Variants in SLC44A5 observed in about 807,000 individuals in gnomAD.
SLC44A5 encodes the protein choline transporter-like protein 5.
SLC44A5 carries 57 observed loss-of-function variants against 101.8 expected under a neutral mutation model. The ratio of observed to expected loss-of-function variants is 0.56; its 90% CI spans 0.45 to 0.70. The LOEUF is 0.70. Ranked by LOEUF, SLC44A5 falls within the 30% of genes least tolerant of loss-of-function variation. The pLI is 0.00. For synonymous variants in SLC44A5, 281 were observed against 290.9 expected (o/e 0.97, Z 0.35); for missense variants, 737 against 853.1 (o/e 0.86, Z 1.70).
the SLC44A5 span, among the ~76,000 whole-genome samples, chr1:75,712,690 C>T: frequency 6.4e-5 from 1 of 15,710 alleles, no homozygotes; most frequent in Non-Finnish European, 1.1e-4. Context: ...ACAAAACAAG[C>T]ATTTGAGAAA....
At chr1:75,499,631 CAAAT>C (rs971933605) in intron 2 of SLC44A5, among the ~76,000 whole-genome samples, 14 of 152,230 alleles carry the variant, frequency 9.2e-5, no homozygotes, top group African/African-American at 3.4e-4. Flanking sequence ...TTTGTATACT[CAAAT>C]AAGGCACAGG....
chr1:75,281,324 C>A (rs1182544503), intron 5 of SLC44A5, among the ~76,000 whole-genome samples: 2 of 152,024 alleles, frequency 1.3e-5, no homozygotes, highest in Non-Finnish European at 2.9e-5. Flanking sequence ...ATCTGTGGAA[C>A]TTTGAACTTG....
intron 11 of SLC44A5, among the ~76,000 whole-genome samples, chr1:75,234,677 T>C (rs1647908534): frequency 6.6e-6 from 1 of 152,072 alleles, no homozygotes; most frequent in Admixed American, 6.6e-5. Flanking sequence ...TCCAGACTTC[T>C]ATTCCAGCTC....
chr1:75,516,087 C>A (rs1262163123), intron 2 of SLC44A5, among the ~76,000 whole-genome samples: 1 of 152,120 alleles, frequency 6.6e-6, no homozygotes, highest in Non-Finnish European at 1.5e-5. Flanking sequence ...ATAATAGAGC[C>A]ACTATAAAAA....
intron 3 of SLC44A5, among the ~76,000 whole-genome samples, chr1:75,369,232 G>C (rs957534794): frequency 1.3e-5 from 2 of 151,726 alleles, no homozygotes; most frequent in East Asian, 3.9e-4. Flanking sequence ...TGCCCAGGGT[G>C]GTCTCGAAAT....
At chr1:75,717,017 G>A in the SLC44A5 span, among the ~76,000 whole-genome samples, 1 of 151,640 alleles carries the variant, frequency 6.6e-6, no homozygotes, top group South Asian at 2.1e-4. Flanking sequence ...CTGGGCAACA[G>A]AGCAAGACTC....
In SLC44A5 at chr1:75,383,613, C is replaced by A. The variant is rs540535450; in HGVS notation, c.52+12970G>T. ...CCTGAAAGTGACGGGGAGAATGGAA[C>A]CAAGTTGGAAAATACTCTGCAGGAT... On this transcript the variant is annotated intron_variant, in intron 3 of 23. Coordinates refer to ENST00000370859, the MANE Select transcript of SLC44A5 (RefSeq NM_001130058.2). 1.3e-3 allele frequency among the ~76,000 whole-genome samples: 195 copies of A among 152,214 alleles called. 2 individuals are homozygous for A. Among genetic ancestry groups the A allele is most frequent in the African/African-American group, 4.6e-3 (192 of 41,542 alleles).
the SLC44A5 span, among the ~76,000 whole-genome samples, chr1:75,651,875 G>A: frequency 2.0e-5 from 3 of 152,086 alleles, no homozygotes; most frequent in East Asian, 5.8e-4. Flanking sequence ...GCGACCATCA[G>A]GTTGTGATCG....
At chr1:75,605,833 C>G (rs1415897109) in intron 1 of SLC44A5, among the ~76,000 whole-genome samples, 1 of 151,978 alleles carries the variant, frequency 6.6e-6, no homozygotes, top group East Asian at 1.9e-4. Context: ...TTCCGGATCC[C>G]TTTTTCAGAA....
chr1:75,318,107 T>A (rs1488241949), intron 4 of SLC44A5, among the ~76,000 whole-genome samples: 1 of 152,162 alleles, frequency 6.6e-6, no homozygotes, highest in East Asian at 1.9e-4. Flanking sequence ...CTGAGCTCAG[T>A]GGCTCATGCC....
intron 2 of SLC44A5, among the ~76,000 whole-genome samples, chr1:75,477,112 G>A (rs1667466805): frequency 6.6e-6 from 1 of 152,330 alleles, no homozygotes; most frequent in South Asian, 2.1e-4. Context: ...CTGCTGTTCT[G>A]CAGCCACCGC....
chr1:75,351,612 T>C lies in SLC44A5; in HGVS notation c.53-11982A>G, dbSNP rs17096787. The stretch of plus-strand genomic sequence containing the variant: ...CTTCTATTACACTGGTATCAGTAAA[T>C]GAGTTCTAATGTAAGGGAAAGCATT... On this transcript the variant is annotated intron_variant, in intron 3 of 23. Transcript: ENST00000370859. 9.2e-3 allele frequency among the ~76,000 whole-genome samples: 1,404 copies of C among 152,090 alleles called. 29 individuals are homozygous for C. The highest frequency in any genetic ancestry group is 0.032 in the African/African-American group (1,346 of 41,504).
Position 75,225,320 on chromosome 1 carries a change from C to G in SLC44A5, c.985+2406G>C, listed in dbSNP as rs76775756. ...CTAAGAGTGTAGTAGGCTATACCAT[C>G]TAGGTTTGCATAAGGATACTCTATG... On this transcript the variant is annotated intron_variant, in intron 13 of 23. Transcript: ENST00000370859. Among the ~76,000 whole-genome samples the G allele has an allele frequency of 8.4e-3, 1,280 of 152,218 alleles. 21 individuals are homozygous for G. Among genetic ancestry groups the G allele is most frequent in the African/African-American group, 0.029 (1,203 of 41,542 alleles).
chr1:75,463,176 C>T (rs1463602380), intron 2 of SLC44A5, among the ~76,000 whole-genome samples: 2 of 152,132 alleles, frequency 1.3e-5, no homozygotes, highest in African/African-American at 2.4e-5. Flanking sequence ...AATCCCAGTA[C>T]TTTGGAAGGC....
intron 2 of SLC44A5, chr1:75,537,888 T>A (rs1265895): frequency 6.6e-6 from 1 of 152,232 alleles, no homozygotes; most frequent in East Asian, 1.9e-4. Flanking sequence ...GAATAATTTC[T>A]TTCTTTAGCG....
chr1:75,430,708 G>A (rs561772376), intron 2 of SLC44A5, among the ~76,000 whole-genome samples: 62 of 152,300 alleles, frequency 4.1e-4, no homozygotes, highest in African/African-American at 1.4e-3. Context: ...TCAATAGGTT[G>A]GAATGGAGCT....
At chr1:75,579,550 T>C (rs1673563302) in intron 1 of SLC44A5, among the ~76,000 whole-genome samples, 1 of 152,216 alleles carries the variant, frequency 6.6e-6, no homozygotes, top group Admixed American at 6.5e-5. Flanking sequence ...TTCCCTACAC[T>C]AATATATTCC....
intron 4 of SLC44A5, 42 bp from the exon 5 acceptor site, chr1:75,300,727 A>C: frequency 1.5e-6 from 2 of 1,362,084 alleles, no homozygotes; most frequent in Non-Finnish European, 2.0e-6. Context: ...AGAGGTCCCA[A>C]ATGACTTCCT....
chr1:75,598,912 C>T lies in SLC44A5; in HGVS notation c.-70+12128G>A, dbSNP rs568003209. 1.6e-4 allele frequency among the ~76,000 whole-genome samples: 25 copies of T among 152,180 alleles called. No homozygotes were observed. In the South Asian group the frequency reaches 5.0e-3, roughly 30 times the overall value. On this transcript the variant is annotated intron_variant, in intron 1 of 23. Transcript: ENST00000370859. ...CCTATGTAACAAACCTGCACATGTA[C>T]CCCAAGCTTAAAATAAAAATTAAAA...
Sources: allele counts gnomAD v4.1 joint callset (sites outside exome capture counted in the v4.1 genomes callset), GRCh38; gene constraint gnomAD v4.1.1; transcripts MANE v1.5; gene names NCBI Gene and HGNC (gene_info 2026-07-23, HGNC 2026-07-21).